TGM4: variants seen among roughly 807,000 people sequenced by gnomAD.
TGM4 encodes transglutaminase 4, also known as protein-glutamine gamma-glutamyltransferase 4.
TGM4 carries 61 observed loss-of-function variants against 76.3 expected under a neutral mutation model. That is an observed-to-expected ratio of 0.80 (90% CI 0.65 to 0.99). TGM4 has a LOEUF of 0.99. Among genes scored for constraint, TGM4 ranks in the 50% least tolerant of loss-of-function variants. TGM4 has a pLI of 0.00. For missense variants in TGM4, 794 were observed against 843.2 expected (o/e 0.94, Z 0.72); for synonymous variants, 337 against 329.8 (o/e 1.02, Z -0.24).
At chr3:44,911,709 C>T (rs1250764791) in intron 13 of TGM4, among the ~76,000 whole-genome samples, 1 of 152,152 alleles carries the variant, frequency 6.6e-6, no homozygotes, top group Non-Finnish European at 1.5e-5. Flanking sequence ...CTGTTCCTAA[C>T]TTTTGTCCAT....
At chr3:44,911,771 T>C (rs1559622292) in intron 13 of TGM4, among the ~76,000 whole-genome samples, 2 of 152,214 alleles carry the variant, frequency 1.3e-5, no homozygotes, top group Non-Finnish European at 2.9e-5. Context: ...CTTTACACAG[T>C]AGAGTGTTAT....
chr3:44,893,834 GC>G, intron 5 of TGM4, 139 bp downstream of exon 5: 2 of 801,234 alleles, frequency 2.5e-6, no homozygotes, highest in Non-Finnish European at 4.3e-6. Flanking sequence ...GTAAAACTTG[GC>G]CATAGAGGGG....
chr3:44,891,963 GA>G (rs552774367), intron 4 of TGM4, among the ~76,000 whole-genome samples: 3,002 of 115,104 alleles, frequency 0.026, 49 homozygotes, highest in Middle Eastern at 0.15. Context: ...CTCAAAAAAG[GA>G]AAAAAAAAAA....
At chr3:44,886,664 T>G (rs568634704) in intron 2 of TGM4, among the ~76,000 whole-genome samples, 15 of 152,284 alleles carry the variant, frequency 9.9e-5, no homozygotes, top group African/African-American at 3.6e-4. Flanking sequence ...TGCCAGGTGT[T>G]GCACTGAGCA....
rs964426512 is a variant in TGM4 at position 44,903,994 on chromosome 3, G to T, written c.1075+7G>T. On this transcript the variant is annotated splice_region_variant and intron_variant, in intron 9 of 13. Coordinates refer to ENST00000296125, the MANE Select transcript of TGM4 (RefSeq NM_003241.4). ...CCGCAGGAGCGAAGCCAGGGTGAGT[G>T]GGTGGCAGGAAGGCGCTGGGCATCC... 1 of 1,613,056 alleles carries T rather than the reference G, an allele frequency of 6.2e-7. No individual in the cohort carries two copies. The highest frequency in any genetic ancestry group is 1.7e-4 in the Middle Eastern group (1 of 6,040).
At chr3:44,909,544 A>T (rs528423560) in intron 10 of TGM4, among the ~76,000 whole-genome samples, 1 of 152,276 alleles carries the variant, frequency 6.6e-6, no homozygotes, top group Non-Finnish European at 1.5e-5. Flanking sequence ...GTTTCCAGGG[A>T]ATCGCCCTTA....
chr3:44,889,357 A>G (rs189077105), intron 3 of TGM4, among the ~76,000 whole-genome samples: 4 of 152,144 alleles, frequency 2.6e-5, no homozygotes, highest in Admixed American at 2.0e-4. Context: ...GGTGCTGGAC[A>G]TCTTGCAGCC....
rs527397806 is a variant in TGM4 at position 44,881,900 on chromosome 3, A to G, written c.20-3425A>G. 2.2e-4 allele frequency among the ~76,000 whole-genome samples: 34 copies of G among 152,142 alleles called. 1 individual carries two copies. The highest frequency in any genetic ancestry group is 1.2e-3 in the Admixed American group (18 of 15,276). The stretch of plus-strand genomic sequence containing the variant: ...AAATAATTTAAACTCCAACCCACAC[A>G]TTGGTGGCAAGAAACAAGGACATTG... On this transcript the variant is annotated intron_variant, in intron 1 of 13. Transcript: ENST00000296125.
chr3:44,889,720 G>A (rs1367652843), intron 3 of TGM4, among the ~76,000 whole-genome samples: 1 of 152,178 alleles, frequency 6.6e-6, no homozygotes, highest in African/African-American at 2.4e-5. Context: ...CTAAAAGGCT[G>A]GATAGAGGCC....
chr3:44,898,524 G>A (rs1457291244), intron 6 of TGM4, among the ~76,000 whole-genome samples: 1 of 152,158 alleles, frequency 6.6e-6, no homozygotes, highest in African/African-American at 2.4e-5. Flanking sequence ...GAACTCCCAG[G>A]GATCTCCCAA....
chr3:44,890,473 A>T (rs1699676386), intron 3 of TGM4, 130 bp from the exon 4 acceptor site: 3 of 1,357,934 alleles, frequency 2.2e-6, no homozygotes, highest in Middle Eastern at 2.7e-4. Context: ...GGTCCTGACC[A>T]TTCCTTGTCT....
chr3:44,893,539 C>A (rs1414590310), intron 4 of TGM4, 38 bp from the exon 5 acceptor site: 3 of 1,573,180 alleles, frequency 1.9e-6, no homozygotes, highest in East Asian at 2.2e-5. Context: ...TGTCCCAGGG[C>A]AGAATATAAC....
At chr3:44,909,921 T>G (rs1315967259) in intron 10 of TGM4, among the ~76,000 whole-genome samples, 169 bp from the exon 11 acceptor site, 1 of 152,164 alleles carries the variant, frequency 6.6e-6, no homozygotes, top group Admixed American at 6.5e-5. Flanking sequence ...GTGCTATTGC[T>G]TAGGAATGGG....
chr3:44,891,161 C>A (rs1201619386), intron 4 of TGM4, among the ~76,000 whole-genome samples: 1 of 152,222 alleles, frequency 6.6e-6, no homozygotes, highest in African/African-American at 2.4e-5. Flanking sequence ...TGTGGCTACA[C>A]TGGAGCCTTT....
At chr3:44,888,078 A>C (rs1699637737) in intron 3 of TGM4, 1 of 381,378 alleles carries the variant, frequency 2.6e-6, no homozygotes, top group African/African-American at 2.0e-5. Flanking sequence ...AGAGAAGTAC[A>C]TAAAAATAAC....
In TGM4 at chr3:44,911,120, C is replaced by CT. The variant is rs1246978980; in HGVS notation, c.1770dup (p.Ile591TyrfsTer5). The CT allele has an allele frequency of 6.2e-7, 1 of 1,614,054 alleles. No homozygotes were observed. ...ACGTCTTTCCAGTACCCTGAGTTCT[C>CT]TATAGAGGTGAGCTTCCTGCAGGCC... On this transcript the variant is annotated frameshift_variant, in exon 12 of 14. Coordinates refer to ENST00000296125, the MANE Select transcript of TGM4 (RefSeq NM_003241.4). LOFTEE classifies it high-confidence loss of function.
rs904430641 is a variant in TGM4, at chr3:44,903,945, G to T, written c.1033G>T (p.Gly345Cys). The part of the protein sequence containing the change: ...KRPDLPKGYD[G>C]WQAVDATPQE... ...ACCGGATCTGCCCAAGGGCTACGAC[G>T]GCTGGCAGGCTGTGGACGCAACGCC... The change falls in exon 9 of 14, where the codon GGC becomes TGC. Residue 345 changes from glycine (G) to cysteine (C), a missense_variant. Physicochemically the swap from Gly to Cys is radical, Grantham distance 159. Transcript: ENST00000296125. 6 of 1,614,166 alleles carry T rather than the reference G, an allele frequency of 3.7e-6. No individual in the cohort carries two copies. The highest frequency in any genetic ancestry group is 5.1e-6 in the Non-Finnish European group (6 of 1,180,046).
rs762694253 is a variant in TGM4 at position 44,913,587 on chromosome 3, G to A, written c.1917G>A (p.Thr639=). 8 of 1,612,366 alleles carry A rather than the reference G, an allele frequency of 5.0e-6. No individual in the cohort carries two copies. Among genetic ancestry groups the A allele is most frequent in the Non-Finnish European group, 5.9e-6 (7 of 1,179,504 alleles). ...CGTATGTCTTTGAATTTTCCAGGACGGTGCAGCCTGGTGAGACCATCCAAT... is the reference window on the plus strand; with the variant it reads ...CGTATGTCTTTGAATTTTCCAGGACAGTGCAGCCTGGTGAGACCATCCAAT... ...ISSLQTSDHG[T]VQPGETIQSQ... is the part of the protein sequence containing the mutation. The change falls in exon 14 of 14, where the codon ACG becomes ACA. Residue 639 remains threonine, a synonymous_variant. Coordinates refer to ENST00000296125, the MANE Select transcript of TGM4 (RefSeq NM_003241.4).
chr3:44,880,197 A>T lies in TGM4; in HGVS notation c.20-5128A>T, dbSNP rs1699513431. The stretch of plus-strand genomic sequence containing the variant: ...TGAAATAGTGTATTTTGTGTTTTAA[A>T]ATTTGGGGCTATAAGCTCACCTTGA... On this transcript the variant is annotated intron_variant, in intron 1 of 13. Coordinates refer to ENST00000296125, the MANE Select transcript of TGM4 (RefSeq NM_003241.4). Among the ~76,000 whole-genome samples, 3 of 152,150 alleles carry T rather than the reference A, an allele frequency of 2.0e-5. No individual in the cohort carries two copies. The South Asian group carries it at 6.2e-4, about 31-fold the overall frequency.
Sources: gnomAD v4.1 joint callset for allele counts (sites outside exome capture counted in the v4.1 genomes callset) on GRCh38, gnomAD v4.1.1 for gene constraint, MANE v1.5 for transcripts, NCBI Gene and HGNC (gene_info 2026-07-23, HGNC 2026-07-21) for gene names.